The following TTC34 variants were observed in gnomAD, a reference collection of about 807,000 sequenced individuals.
The protein encoded by TTC34 is tetratricopeptide repeat protein 34.
Under a neutral mutation model 40.7 loss-of-function variants are expected in TTC34, and 44 were observed. That is an observed-to-expected ratio of 1.08 (90% confidence interval 0.85 to 1.39). The LOEUF (loss-of-function observed/expected upper bound fraction) is 1.39. TTC34 is among the 40% of genes most tolerant of loss of function. TTC34 has a pLI of 0.00. For missense variants in TTC34, 884 were observed against 838.0 expected (o/e 1.05, Z -0.68); for synonymous variants, 422 against 398.6 (o/e 1.06, Z -0.70).
chr1:2,683,852 C>G (rs1242606591), intron 6 of TTC34, among the ~76,000 whole-genome samples: 2 of 143,742 alleles, frequency 1.4e-5, no homozygotes, highest in Non-Finnish European at 3.0e-5. Flanking sequence ...GAACATCCGA[C>G]AGCCTGGAGC....
chr1:2,652,479 C>T (rs1447429707), intron 6 of TTC34, among the ~76,000 whole-genome samples: 5 of 150,758 alleles, frequency 3.3e-5, no homozygotes, highest in South Asian at 2.1e-4. Flanking sequence ...GGAGCAGAAC[C>T]CACACCCCCA....
rs1050362666 is a variant in TTC34 at position 2,789,573 on chromosome 1, G to T, written c.1558C>A (p.Arg520Ser). The change falls in exon 3 of 9, where the codon CGC becomes AGC. Residue 520 changes from arginine to serine, a missense_variant. Coordinates refer to ENST00000401095, the Ensembl canonical transcript of TTC34. ...CCCTGCGCTCTGGACGGCCCGGCGC[G>T]TGGAGATCGCTGCAGCATCCCACGG... is the stretch of plus-strand genomic sequence containing the variant. 4.0e-6 allele frequency: 6 copies of T among 1,483,214 alleles called. No individual in the cohort carries two copies. The African/African-American group carries it at 4.4e-5, about 11-fold the overall frequency. The allele number at this position is 1,483,214 out of a possible 1,614,324, so 91.9% of individuals were successfully genotyped here.
chr1:2,693,175 C>G (rs200581873), intron 6 of TTC34, among the ~76,000 whole-genome samples: 1,824 of 16,890 alleles, frequency 0.11, no homozygotes, highest in Non-Finnish European at 0.13. Context: ...AGCCTGGGTC[C>G]GCACCCACAC....
chr1:2,768,075 G>T (rs546559413), intron 6 of TTC34, among the ~76,000 whole-genome samples: 18 of 151,572 alleles, frequency 1.2e-4, no homozygotes, highest in African/African-American at 4.3e-4. Context: ...GCCAGGAACG[G>T]CAACCCACAT....
intron 6 of TTC34, among the ~76,000 whole-genome samples, chr1:2,683,502 G>GGA (rs1640175169): frequency 8.2e-5 from 2 of 24,400 alleles, no homozygotes; most frequent in East Asian, 1.2e-3. Flanking sequence ...AGCCTGGAAC[G>GGA]GCACCCACAC....
At chr1:2,653,328 C>T (rs60677750) in intron 6 of TTC34, among the ~76,000 whole-genome samples, 6 of 22,954 alleles carry the variant, frequency 2.6e-4, no homozygotes, top group Admixed American at 4.9e-4. Flanking sequence ...GCACACACAC[C>T]CCCAGGTGAG....
At chr1:2,784,950 C>T (rs2100622713) in intron 5 of TTC34, among the ~76,000 whole-genome samples, 1 of 151,020 alleles carries the variant, frequency 6.6e-6, no homozygotes, top group South Asian at 2.1e-4. Flanking sequence ...CATGGGACAA[C>T]ATGCCAGGCT....
intron 4 of TTC34, among the ~76,000 whole-genome samples, chr1:2,787,137 A>C (rs1643600859): frequency 6.6e-6 from 1 of 152,182 alleles, no homozygotes; most frequent in South Asian, 2.1e-4. Flanking sequence ...TTTATGTGAG[A>C]GACTTGGAGA....
chr1:2,768,588 T>G (rs1292654228), intron 6 of TTC34, among the ~76,000 whole-genome samples: 269 of 151,172 alleles, frequency 1.8e-3, no homozygotes, highest in Non-Finnish European at 2.8e-3. Flanking sequence ...CACAGCCAGG[T>G]GAGCAGCTGA....
chr1:2,673,095 A>G, intron 6 of TTC34, among the ~76,000 whole-genome samples: 1 of 72,208 alleles, frequency 1.4e-5, no homozygotes, highest in African/African-American at 4.6e-5. Context: ...AGCATCTGAC[A>G]GCCTGGAACA....
chr1:2,771,444 C>A (rs1447118731), intron 6 of TTC34, among the ~76,000 whole-genome samples: 1 of 79,576 alleles, frequency 1.3e-5, no homozygotes, highest in Non-Finnish European at 2.2e-5. Context: ...CACCCTGCAA[C>A]CCCAGGTGAG....
rs1168811677 is a variant in TTC34, at chr1:2,684,679, C to G, written c.2227-39116G>C. Reference sequence around the variant, plus strand: ...ACAGCCTGGAGCAGCACCCACACGCCCAGGTGAGCATCTGACAGCCTGGAA... The same window carrying G: ...ACAGCCTGGAGCAGCACCCACACGCGCAGGTGAGCATCTGACAGCCTGGAA... On this transcript the variant is annotated intron_variant, in intron 6 of 8. Transcript: ENST00000401095. Among the ~76,000 whole-genome samples, 3 of 121,396 alleles carry G rather than the reference C, an allele frequency of 2.5e-5. No individual in the cohort carries two copies. In the South Asian group the frequency reaches 8.1e-4, roughly 33 times the overall value. 79.6% of individuals were successfully genotyped at this position (121,396 alleles called of 152,430 possible).
chr1:2,791,273 G>A (rs1482164185), intron 2 of TTC34, among the ~76,000 whole-genome samples: 1 of 152,210 alleles, frequency 6.6e-6, no homozygotes, highest in Non-Finnish European at 1.5e-5. Flanking sequence ...ACTCCGTGCT[G>A]GGCGGGCTTC....
chr1:2,652,945 C>A (rs1217714694), intron 6 of TTC34, among the ~76,000 whole-genome samples: 36 of 151,726 alleles, frequency 2.4e-4, no homozygotes, highest in African/African-American at 7.8e-4. Flanking sequence ...GAGCATCTGA[C>A]AGCCTGGAGC....
At chr1:2,674,779 T>G (rs1232652263) in intron 6 of TTC34, among the ~76,000 whole-genome samples, 1 of 22,502 alleles carries the variant, frequency 4.4e-5, no homozygotes, top group African/African-American at 1.2e-4. Flanking sequence ...GAGCATCCGA[T>G]GACCTGGAGC....
At chr1:2,674,761 T>A (rs1403231961) in intron 6 of TTC34, among the ~76,000 whole-genome samples, 13 of 9,494 alleles carry the variant, frequency 1.4e-3, no homozygotes, top group East Asian at 4.7e-3. Flanking sequence ...GCAACCACAC[T>A]CCCAGGCGAG....
intron 6 of TTC34, among the ~76,000 whole-genome samples, chr1:2,768,024 G>A (rs2100478098): frequency 6.6e-6 from 1 of 151,134 alleles, no homozygotes; most frequent in South Asian, 2.1e-4. Flanking sequence ...GCATCTGACA[G>A]CATAAAACAG....
chr1:2,692,499 C>A (rs1432586788), intron 6 of TTC34, among the ~76,000 whole-genome samples: 1 of 119,628 alleles, frequency 8.4e-6, no homozygotes, highest in South Asian at 2.6e-4. Flanking sequence ...GAACAGCAGC[C>A]TGCACCCCCA....
chr1:2,787,701 G>A, exon 4 of TTC34: 1 of 1,542,712 alleles, frequency 6.5e-7, no homozygotes, highest in East Asian at 2.5e-5. Flanking sequence ...CACGCCGCAG[G>A]CGACCCTGTG....
Sources: gnomAD v4.1 joint callset for allele counts (sites outside exome capture counted in the v4.1 genomes callset) on GRCh38, gnomAD v4.1.1 for gene constraint, MANE v1.5 for transcripts, NCBI Gene and HGNC (gene_info 2026-07-23, HGNC 2026-07-21) for gene names.